Variants in NFIA observed in about 807,000 individuals in gnomAD.
NFIA encodes the protein nuclear factor 1 A-type.
Under a neutral mutation model 62.8 loss-of-function variants are expected in NFIA, and 8 were observed. That is an observed-to-expected ratio of 0.13 (90% CI 0.07 to 0.23). The LOEUF (loss-of-function observed/expected upper bound fraction) is 0.23, where lower values mean the gene tolerates loss of function less well. Among genes scored for constraint, NFIA ranks in the 10% least tolerant of loss-of-function variants. The pLI, the probability that NFIA is intolerant of heterozygous loss-of-function variation, is 1.00. For synonymous variants in NFIA, 235 were observed against 238.1 expected, an observed-to-expected ratio of 0.99 and a Z score of 0.12; for missense variants, 410 against 642.1, an observed-to-expected ratio of 0.64 and a Z score of 3.91.
chr1:61,374,762 A>G (rs1451362301), intron 6 of NFIA, among the ~76,000 whole-genome samples: 2 of 152,196 alleles, frequency 1.3e-5, no homozygotes, highest in Non-Finnish European at 1.5e-5. Flanking sequence ...CTCATTTTCA[A>G]TGGCTACATA....
chr1:61,079,271 C>T (rs1221150446), upstream of NFIA, among the ~76,000 whole-genome samples: 1 of 152,154 alleles, frequency 6.6e-6, no homozygotes, highest in Admixed American at 6.5e-5. Flanking sequence ...ATGGTGTTGT[C>T]GCTTATGAAT....
intron 2 of NFIA, among the ~76,000 whole-genome samples, chr1:61,138,735 G>A (rs1647279584): frequency 6.6e-6 from 1 of 151,746 alleles, no homozygotes; most frequent in Non-Finnish European, 1.5e-5. Flanking sequence ...ATGTGCTACT[G>A]CACTCAGACT....
At chr1:61,305,909 G>T (rs1659749524) in intron 3 of NFIA, among the ~76,000 whole-genome samples, 1 of 148,582 alleles carries the variant, frequency 6.7e-6, no homozygotes. Context: ...GTGCAGTGGT[G>T]TGATCTTGGC....
intron 9 of NFIA, 144 bp downstream of exon 9, chr1:61,406,871 G>C (rs1665865873): frequency 2.1e-6 from 2 of 941,908 alleles, no homozygotes; most frequent in Non-Finnish European, 3.0e-6. Flanking sequence ...GCCAGACCGA[G>C]AATCAAAGTG....
intron 2 of NFIA, among the ~76,000 whole-genome samples, chr1:61,216,806 T>C (rs333144): frequency 0.068 from 10,298 of 151,874 alleles, 467 homozygotes; most frequent in East Asian, 0.2. Context: ...TCGAGACCAG[T>C]CTGACCAAAA....
intron 9 of NFIA, among the ~76,000 whole-genome samples, chr1:61,409,575 T>C (rs1666005178): frequency 6.6e-6 from 1 of 152,190 alleles, no homozygotes; most frequent in Non-Finnish European, 1.5e-5. Context: ...AAATAAAATA[T>C]TTTTTTAAAT....
At chr1:61,232,199 A>G (rs1184244900) in intron 2 of NFIA, among the ~76,000 whole-genome samples, 1 of 152,178 alleles carries the variant, frequency 6.6e-6, no homozygotes, top group Non-Finnish European at 1.5e-5. Context: ...AGAAGTAAAT[A>G]TTGAGTAGGT....
intron 2 of NFIA, among the ~76,000 whole-genome samples, chr1:61,133,481 CTT>C (rs1419939051): frequency 6.6e-6 from 1 of 152,142 alleles, no homozygotes; most frequent in Non-Finnish European, 1.5e-5. Flanking sequence ...CTTGTTCACT[CTT>C]TGTTTTCCCA....
intron 2 of NFIA, among the ~76,000 whole-genome samples, chr1:61,163,250 A>G (rs1649336893): frequency 6.6e-6 from 1 of 152,230 alleles, no homozygotes; most frequent in South Asian, 2.1e-4. Flanking sequence ...TGTTTCTCAA[A>G]AACAATCAAA....
chr1:61,202,330 GT>G (rs1652559954), intron 2 of NFIA, among the ~76,000 whole-genome samples: 2 of 152,144 alleles, frequency 1.3e-5, no homozygotes, highest in Admixed American at 1.3e-4. Context: ...GTCAAAATAT[GT>G]TCCCTAAGAC....
chr1:61,330,379 G>A (rs1392779966), intron 3 of NFIA, among the ~76,000 whole-genome samples: 2 of 151,562 alleles, frequency 1.3e-5, no homozygotes, highest in Non-Finnish European at 2.9e-5. Flanking sequence ...AAATATCACA[G>A]TCTAGACTGC....
intron 2 of NFIA, among the ~76,000 whole-genome samples, chr1:61,123,334 A>G (rs1284255365): frequency 2.0e-5 from 3 of 152,176 alleles, no homozygotes; most frequent in African/African-American, 7.2e-5. Flanking sequence ...AGAGACCTAC[A>G]CTGTGATTTC....
intron 9 of NFIA, among the ~76,000 whole-genome samples, chr1:61,420,321 A>G (rs1371801442): frequency 1.3e-5 from 2 of 151,536 alleles, no homozygotes; most frequent in Non-Finnish European, 2.9e-5. Context: ...ATTAGCCGAT[A>G]TATTTTCTAA....
At position 61,088,743 on chromosome 1, in the gene NFIA, G is replaced by A; in HGVS notation, c.559+63G>A. Reference sequence around the variant, plus strand: ...GTGTGTTTCTTTCCTGATGGCCTCCGCGTTATGCCGGATTCTTCCTGAGCT... The same window carrying A: ...GTGTGTTTCTTTCCTGATGGCCTCCACGTTATGCCGGATTCTTCCTGAGCT... On this transcript the variant is annotated intron_variant, in intron 2 of 10. Coordinates refer to ENST00000403491, the MANE Select transcript of NFIA (RefSeq NM_001134673.4). The surrounding 1 kb of genome is among the most constrained non-coding windows in gnomAD (Gnocchi z 4.5). 4 of 1,526,236 alleles carry A rather than the reference G, an allele frequency of 2.6e-6. No individual in the cohort carries two copies. Among genetic ancestry groups the A allele is most frequent in the Admixed American group, 1.9e-5 (1 of 51,762 alleles). The allele number at this position is 1,526,236 out of a possible 1,614,324, so 94.5% of individuals were successfully genotyped here.
At chr1:61,384,627 C>T (rs182306663) in intron 7 of NFIA, among the ~76,000 whole-genome samples, 2 of 152,274 alleles carry the variant, frequency 1.3e-5, no homozygotes, top group East Asian at 3.9e-4. Context: ...TCATAGTTAA[C>T]ACTCATTGAG....
At chr1:61,158,670 T>C (rs1648975343) in intron 2 of NFIA, among the ~76,000 whole-genome samples, 3 of 152,218 alleles carry the variant, frequency 2.0e-5, no homozygotes, top group South Asian at 4.1e-4. Context: ...GTTTCAAAAC[T>C]GTGGTCTTAC....
chr1:61,225,153 CA>C (rs575425464), intron 2 of NFIA, among the ~76,000 whole-genome samples: 9,715 of 138,968 alleles, frequency 0.07, 354 homozygotes, highest in Non-Finnish European at 0.077. Context: ...TTTTAAAAAA[CA>C]AAAAAAAAAG....
Position 61,462,030 on chromosome 1 carries a change from T to TTG in NFIA, c.*6711_*6712insGT, listed in dbSNP as rs1553125189. ...TGTAAGTTAGCCTTTTTGGGTTTTT[T>TTG]TTTTTTTTTTTTGGCTTTTTTTTTT... On this transcript the variant is annotated 3_prime_UTR_variant, in exon 11 of 11. Transcript: ENST00000403491. 1.3e-5 allele frequency: 2 copies of TTG among 150,068 alleles called. No homozygotes were observed. Among genetic ancestry groups the TTG allele is most frequent in the East Asian group, 3.9e-4 (2 of 5,188 alleles). 9.3% of individuals were successfully genotyped at this position (150,068 alleles called of 1,614,324 possible).
At chr1:61,086,588 C>G (rs1029872008) in intron 1 of NFIA, among the ~76,000 whole-genome samples, 1 of 151,850 alleles carries the variant, frequency 6.6e-6, no homozygotes, top group Admixed American at 6.6e-5. Flanking sequence ...AACATAGAAC[C>G]TGAAATTTGT....
Sources: gnomAD v4.1 joint callset for allele counts (sites outside exome capture counted in the v4.1 genomes callset) on GRCh38, gnomAD v4.1.1 for gene constraint, Gnocchi (gnomAD v3.1) non-coding constraint, MANE v1.5 for transcripts, NCBI Gene and HGNC (gene_info 2026-07-23, HGNC 2026-07-21) for gene names.